PPFIA2: variants seen among roughly 807,000 people sequenced by gnomAD.
PPFIA2 encodes liprin-alpha-2.
A neutral mutation model predicts 175.5 loss-of-function variants in PPFIA2; 46 were observed. The ratio of observed to expected loss-of-function variants is 0.26; its 90% confidence interval spans 0.21 to 0.34. The LOEUF (loss-of-function observed/expected upper bound fraction) is 0.34. PPFIA2 is among the 10% of genes least tolerant of loss of function. The probability of loss-of-function intolerance (pLI) is 1.00; values close to 1 mark genes in which losing one functional copy is unlikely to be tolerated. For missense variants in PPFIA2, 1,179 were observed against 1,506.1 expected (o/e 0.78, Z 3.60); for synonymous variants, 568 against 511.4 (o/e 1.11, Z -1.49).
chr12:81,488,260 T>A (rs2059053920), intron 4 of PPFIA2, among the ~76,000 whole-genome samples: 1 of 151,834 alleles, frequency 6.6e-6, no homozygotes, highest in African/African-American at 2.4e-5. Context: ...GAACTCCGAT[T>A]TTTATTGACA....
intron 4 of PPFIA2, among the ~76,000 whole-genome samples, chr12:81,629,207 C>G (rs1402509009): frequency 6.6e-6 from 1 of 151,798 alleles, no homozygotes; most frequent in African/African-American, 2.4e-5. Flanking sequence ...ATAATATAAT[C>G]AATTACTATA....
At chr12:81,555,404 T>C (rs1378427148) in intron 4 of PPFIA2, among the ~76,000 whole-genome samples, 1 of 151,994 alleles carries the variant, frequency 6.6e-6, no homozygotes, top group African/African-American at 2.4e-5. Flanking sequence ...TCACTGATAC[T>C]CTTAGTCAAA....
At chr12:81,602,475 A>C (rs1303332864) in intron 4 of PPFIA2, among the ~76,000 whole-genome samples, 1 of 148,770 alleles carries the variant, frequency 6.7e-6, no homozygotes, top group Non-Finnish European at 1.5e-5. Context: ...TTTATCAGCA[A>C]TATTACTCAA....
chr12:81,387,599 G>C (rs1009463718), intron 8 of PPFIA2, among the ~76,000 whole-genome samples: 10 of 152,138 alleles, frequency 6.6e-5, no homozygotes, highest in African/African-American at 1.9e-4. Context: ...AAGTTGACTA[G>C]AGGAATTTCT....
intron 4 of PPFIA2, among the ~76,000 whole-genome samples, chr12:81,656,345 T>C (rs961743994): frequency 3.3e-5 from 5 of 152,152 alleles, no homozygotes; most frequent in Non-Finnish European, 7.4e-5. Context: ...ATGTTGGTTG[T>C]AATCAGTTTT....
At chr12:81,567,557 G>C (rs536693356) in intron 4 of PPFIA2, among the ~76,000 whole-genome samples, 1 of 152,018 alleles carries the variant, frequency 6.6e-6, no homozygotes, top group Non-Finnish European at 1.5e-5. Flanking sequence ...TGAGAGGAGG[G>C]GTCTACAGAT....
chr12:81,268,151 T>C, intron 28 of PPFIA2, 64 bp from the exon 29 acceptor site: 2 of 1,049,904 alleles, frequency 1.9e-6, no homozygotes, highest in Non-Finnish European at 2.6e-6. Flanking sequence ...TTTTTTTTTT[T>C]TTTTTGAGAC....
intron 4 of PPFIA2, among the ~76,000 whole-genome samples, chr12:81,567,165 G>A (rs945345026): frequency 2.0e-5 from 3 of 151,918 alleles, no homozygotes; most frequent in East Asian, 1.9e-4. Context: ...TTCCTGCCTC[G>A]GCCTCCCGAG....
intron 3 of PPFIA2, among the ~76,000 whole-genome samples, chr12:81,752,898 T>C (rs960779946): frequency 2.6e-5 from 4 of 151,998 alleles, no homozygotes; most frequent in Non-Finnish European, 2.9e-5. Context: ...TTCATTTTTA[T>C]GTTTCTTCTC....
At chr12:81,275,995 A>G (rs905385738) in intron 28 of PPFIA2, among the ~76,000 whole-genome samples, 1 of 152,132 alleles carries the variant, frequency 6.6e-6, no homozygotes, top group Non-Finnish European at 1.5e-5. Flanking sequence ...CATGTTAGCC[A>G]GGATGGTCTT....
intron 4 of PPFIA2, among the ~76,000 whole-genome samples, chr12:81,525,502 C>T (rs1184151946): frequency 6.6e-6 from 1 of 152,104 alleles, no homozygotes; most frequent in Admixed American, 6.6e-5. Context: ...CTGAGGGTCT[C>T]AGTACTACAA....
intron 3 of PPFIA2, among the ~76,000 whole-genome samples, chr12:81,697,311 T>C (rs1442575597): frequency 2.0e-5 from 3 of 152,058 alleles, no homozygotes; most frequent in Non-Finnish European, 4.4e-5. Flanking sequence ...TATGAGAAAT[T>C]ACATAAATTA....
intron 19 of PPFIA2, among the ~76,000 whole-genome samples, chr12:81,343,222 C>T (rs1246253608): frequency 6.6e-6 from 1 of 151,738 alleles, no homozygotes; most frequent in Non-Finnish European, 1.5e-5. Flanking sequence ...GGTTGTGGTC[C>T]CTCTTTCCAT....
At chr12:81,410,941 C>T (rs2043850409) in intron 7 of PPFIA2, among the ~76,000 whole-genome samples, 1 of 152,042 alleles carries the variant, frequency 6.6e-6, no homozygotes, top group African/African-American at 2.4e-5. Context: ...TTCTAGGCAT[C>T]CTTAAATCAT....
At chr12:81,341,397 T>C (rs910729659) in intron 19 of PPFIA2, among the ~76,000 whole-genome samples, 189 bp from the exon 20 acceptor site, 2 of 151,848 alleles carry the variant, frequency 1.3e-5, no homozygotes, top group East Asian at 3.9e-4. Flanking sequence ...AATATTTAAA[T>C]TGGACACATT....
intron 8 of PPFIA2, among the ~76,000 whole-genome samples, chr12:81,400,264 T>C (rs960705695): frequency 2.0e-5 from 3 of 152,190 alleles, no homozygotes; most frequent in African/African-American, 4.8e-5. Flanking sequence ...GAGGATCACA[T>C]TGCTTGTAGA....
chr12:81,462,585 CAT>C (rs71098145), intron 4 of PPFIA2, among the ~76,000 whole-genome samples: 5,084 of 124,606 alleles, frequency 0.041, 279 homozygotes, highest in African/African-American at 0.13. Context: ...TATATATATA[CAT>C]ATATATATAT....
At chr12:81,703,269 A>C (rs568591478) in intron 3 of PPFIA2, among the ~76,000 whole-genome samples, 1 of 152,102 alleles carries the variant, frequency 6.6e-6, no homozygotes, top group Non-Finnish European at 1.5e-5. Flanking sequence ...TCTCACAGAC[A>C]CCTCATACTA....
intron 4 of PPFIA2, among the ~76,000 whole-genome samples, chr12:81,578,514 G>T (rs1015025645): frequency 2.6e-5 from 4 of 151,600 alleles, no homozygotes; most frequent in Non-Finnish European, 5.9e-5. Flanking sequence ...CTTTTAAAAA[G>T]AACTTTTAAT....
Sources: allele counts gnomAD v4.1 joint callset (sites outside exome capture counted in the v4.1 genomes callset), GRCh38; gene constraint gnomAD v4.1.1; transcripts MANE v1.5; gene names NCBI Gene and HGNC (gene_info 2026-07-23, HGNC 2026-07-21).